Variants in LST1 observed in about 807,000 individuals in gnomAD.
LST1 encodes leukocyte specific transcript 1.
LST1 carries 9 observed loss-of-function variants against 8.5 expected under a neutral mutation model. The ratio of observed to expected loss-of-function variants is 1.06; its 90% CI spans 0.64 to 1.85. The LOEUF is 1.85. Ranked by LOEUF, LST1 falls within the 40% of genes most tolerant of loss-of-function variation. The pLI is 0.00. For missense variants in LST1, 121 were observed against 117.1 expected, an observed-to-expected ratio of 1.03 and a Z score of -0.16; for synonymous variants, 53 against 50.4, an observed-to-expected ratio of 1.05 and a Z score of -0.21.
At chr6:31,588,374 AAGAG>A (rs9279359) in intron 4 of LST1, 140 bp from the exon 5 acceptor site, 55,249 of 621,640 alleles carry the variant, frequency 0.089, 1,141 homozygotes, top group African/African-American at 0.11. Flanking sequence ...CCAAAGAAAA[AAGAG>A]AGAGAGAGAG....
chr6:31,588,403 GGAGA>G (rs71663687), intron 4 of LST1, 111 bp from the exon 5 acceptor site: 109 of 540,136 alleles, frequency 2.0e-4, no homozygotes, highest in Non-Finnish European at 2.7e-4. Context: ...AGAGAGAGAG[GGAGA>G]GAGAGAGAGA....
At chr6:31,587,498 C>A (rs900390623) in intron 2 of LST1, 143 bp from the exon 3 acceptor site, 1 of 841,258 alleles carries the variant, frequency 1.2e-6, no homozygotes, top group Non-Finnish European at 2.0e-6. Context: ...GTATTAAGGT[C>A]TGGGATGGAG....
At chr6:31,588,442 T>G in intron 4 of LST1, 76 bp from the exon 5 acceptor site, 3 of 1,451,994 alleles carry the variant, frequency 2.1e-6, no homozygotes, top group East Asian at 2.5e-5. Flanking sequence ...TAAGAAAGGC[T>G]GGAGGTGGGA....
chr6:31,587,518 G>T, intron 2 of LST1, 123 bp from the exon 3 acceptor site: 2 of 801,582 alleles, frequency 2.5e-6, no homozygotes, highest in Admixed American at 4.8e-5. Flanking sequence ...GAAGCTCTGA[G>T]GGTATATTTT....
chr6:31,587,770 G>A lies in LST1; in HGVS notation c.112+37G>A, dbSNP rs911623871. Reference sequence around the variant, plus strand: ...ACTCCCTCCCTCCCCCTGCAGCAGTGCCCCCTGTGCCCCCACCCCCACACG... The same window carrying A: ...ACTCCCTCCCTCCCCCTGCAGCAGTACCCCCTGTGCCCCCACCCCCACACG... On this transcript the variant is annotated intron_variant, in intron 3 of 4. Coordinates refer to ENST00000438075, the MANE Select transcript of LST1 (RefSeq NM_205839.3). 7 of 1,477,100 alleles carry A rather than the reference G, an allele frequency of 4.7e-6. No individual in the cohort carries two copies. The African/African-American group carries it at 8.3e-5, about 18-fold the overall frequency. 91.5% of individuals were successfully genotyped at this position (1,477,100 alleles called of 1,614,324 possible). A position where few individuals can be genotyped will look rare whatever the true frequency, so the allele number is the denominator to read the frequency against.
rs1360641336 is a variant in LST1, at chr6:31,588,838, C to T, written c.*162C>T. The T allele has an allele frequency of 1.1e-6, 1 of 926,078 alleles. No homozygotes were observed. The highest frequency in any genetic ancestry group is 1.6e-6 in the Non-Finnish European group (1 of 609,726). The allele number at this position is 926,078 out of a possible 1,614,324, so 57.4% of individuals were successfully genotyped here. A position where few individuals can be genotyped will look rare whatever the true frequency, so the allele number is the denominator to read the frequency against. On this transcript the variant is annotated 3_prime_UTR_variant, in exon 5 of 5. Transcript: ENST00000438075. ...ATCAAAACTTATGTGGCTTTTTGAC[C>T]TTTGAATAGGGAATTTTTTAAATTT... is the stretch of plus-strand genomic sequence containing the variant.
chr6:31,587,131 C>G, intron 1 of LST1, 69 bp from the exon 2 acceptor site: 1 of 658,028 alleles, frequency 1.5e-6, no homozygotes, highest in South Asian at 1.7e-5. Context: ...GTGCCCAGCT[C>G]AGGGTTGGCA....
chr6:31,588,598 CAG>C lies in LST1; in HGVS notation c.217_218del (p.Arg73GlyfsTer14), dbSNP rs1177833766. ...TGCCCAGCAGTGAGGGACCTGACCT[CAG>C]GGGCAGAGACAAGAGAGGCACCAAG... is the stretch of plus-strand genomic sequence containing the variant. ...PVPSSEGPDL[R>X]GRDKRGTKED... On this transcript the variant is annotated frameshift_variant, in exon 5 of 5. Transcript: ENST00000438075. LOFTEE classifies it low-confidence loss of function (END_TRUNC). 1 of 1,612,930 alleles carries C rather than the reference CAG, an allele frequency of 6.2e-7. No individual in the cohort carries two copies. Among genetic ancestry groups the C allele is most frequent in the Non-Finnish European group, 8.5e-7 (1 of 1,180,016 alleles).
intron 2 of LST1, 31 bp from the exon 3 acceptor site, chr6:31,587,610 G>A: frequency 7.3e-7 from 1 of 1,374,114 alleles, no homozygotes; most frequent in Non-Finnish European, 1.0e-6. Context: ...GAAGGAATGG[G>A]CTTCCTAACC....
intron 3 of LST1, 64 bp from the exon 4 acceptor site, chr6:31,587,879 GA>G (rs1157612607): frequency 9.6e-6 from 15 of 1,563,582 alleles, no homozygotes; most frequent in South Asian, 3.5e-5. Context: ...CTGGTGGGGG[GA>G]GCCCGGGAGG....
In LST1 at chr6:31,587,789, C is replaced by A. The variant is rs1470947139; in HGVS notation, c.112+56C>A. On this transcript the variant is annotated intron_variant, in intron 3 of 4. Transcript: ENST00000438075. ...AGCAGTGCCCCCTGTGCCCCCACCC[C>A]CACACGCTTTCCCACTGCTTTCCCA... The A allele has an allele frequency of 1.6e-5, 24 of 1,498,820 alleles. No homozygotes were observed. The Admixed American group carries it at 4.8e-4, about 30-fold the overall frequency. 92.8% of individuals were successfully genotyped at this position (1,498,820 alleles called of 1,614,324 possible). A position where few individuals can be genotyped will look rare whatever the true frequency, so the allele number is the denominator to read the frequency against.
rs368642888 is a variant in LST1, at chr6:31,587,649, A to G, written c.28A>G (p.Ile10Val). MLSRNDDIC[I>V]YGGLGLGGLL... ...AGCCCTCTTCCCTGAAGATATATGT[A>G]TCTACGGGGGCCTGGGGCTGGGCGG... The change falls in exon 3 of 5, where the codon ATC (isoleucine) becomes GTC (valine). Residue 10 changes from isoleucine to valine, a missense_variant. Ile to Val is a conservative substitution (Grantham distance 29). Transcript: ENST00000438075. The G allele has an allele frequency of 1.1e-5, 17 of 1,598,970 alleles. No homozygotes were observed. Among genetic ancestry groups the G allele is most frequent in the Non-Finnish European group, 1.4e-5 (16 of 1,172,618 alleles).
chr6:31,588,423 G>GAGA lies in LST1; in HGVS notation c.136-95_136-94insAGA, dbSNP rs1772252750. 9.5e-5 allele frequency: 106 copies of GAGA among 1,118,110 alleles called. No homozygotes were observed. In the East Asian group the frequency reaches 2.1e-3, roughly 22 times the overall value. 69.3% of individuals were successfully genotyped at this position (1,118,110 alleles called of 1,614,324 possible). ...GAGAGGGAGAGAGAGAGAGAGAGAG[G>GAGA]GAGAGAAGTAAGAAAGGCTGGAGGT... On this transcript the variant is annotated intron_variant, in intron 4 of 4. Transcript: ENST00000438075.
At position 31,588,858 on chromosome 6, in the gene LST1, A is replaced by T. The variant is rs986476; in HGVS notation, c.*182A>T. The T allele has an allele frequency of 0.013, 11,529 of 880,156 alleles. 107 individuals are homozygous for T. The highest frequency in any genetic ancestry group is 0.016 in the Non-Finnish European group (9,473 of 580,456). 54.5% of individuals were successfully genotyped at this position (880,156 alleles called of 1,614,324 possible). ...TTGACCTTTGAATAGGGAATTTTTT[A>T]AATTTTTTAAAAATTAAAATAAAAA... is the stretch of plus-strand genomic sequence containing the variant. On this transcript the variant is annotated 3_prime_UTR_variant, in exon 5 of 5. Coordinates refer to ENST00000438075, the MANE Select transcript of LST1 (RefSeq NM_205839.3).
chr6:31,588,238 GA>G, intron 4 of LST1: 3 of 586,824 alleles, frequency 5.1e-6, no homozygotes, highest in South Asian at 2.3e-5. Flanking sequence ...GAGAGAGAGA[GA>G]GAGGCTCCAG....
At position 31,588,562 on chromosome 6, in the gene LST1, G is replaced by A. The variant is rs1055539122; in HGVS notation, c.180G>A (p.Gln60=). The change falls in exon 5 of 5, where the codon CAG becomes CAA. Residue 60 remains glutamine (Q), a synonymous_variant. Transcript: ENST00000438075. ...SEQELHYASL[Q]RLPVPSSEGP... is the part of the protein sequence containing the mutation. The stretch of plus-strand genomic sequence containing the variant: ...AGGAACTCCACTATGCATCTCTGCA[G>A]AGGCTGCCAGTGCCCAGCAGTGAGG... 6 of 1,612,428 alleles carry A rather than the reference G, an allele frequency of 3.7e-6. No individual in the cohort carries two copies. The African/African-American group carries it at 6.7e-5, about 18-fold the overall frequency.
chr6:31,587,559 T>C, intron 2 of LST1, 82 bp from the exon 3 acceptor site: 1 of 910,904 alleles, frequency 1.1e-6, no homozygotes, highest in East Asian at 2.6e-5. Flanking sequence ...AGAGGGAATC[T>C]GAGAAAGCTG....
At chr6:31,586,862 C>T in intron 1 of LST1, 1 of 179,712 alleles carries the variant, frequency 5.6e-6, no homozygotes, top group Admixed American at 6.0e-5. Context: ...CACCCAGGCC[C>T]AGGCTCCTTC....
intron 4 of LST1, 73 bp from the exon 5 acceptor site, chr6:31,588,445 A>C: frequency 6.8e-7 from 1 of 1,463,834 alleles, no homozygotes; most frequent in South Asian, 1.2e-5. Flanking sequence ...GAAAGGCTGG[A>C]GGTGGGAGCA....
Sources: gnomAD v4.1 joint callset for allele counts on GRCh38, gnomAD v4.1.1 for gene constraint, MANE v1.5 for transcripts, NCBI Gene and HGNC (gene_info 2026-07-23, HGNC 2026-07-21) for gene names.